OSBPL1A: variants seen among roughly 807,000 people sequenced by gnomAD.
OSBPL1A encodes the protein oxysterol binding protein like 1A.
Under a neutral mutation model 137.1 loss-of-function variants are expected in OSBPL1A, and 80 were observed. The observed-to-expected ratio is 0.58, with a 90% CI of 0.49 to 0.70. The LOEUF is 0.70. OSBPL1A is among the 30% of genes least tolerant of loss of function. The probability of loss-of-function intolerance (pLI) is 0.00; values close to 1 mark genes in which losing one functional copy is unlikely to be tolerated. For synonymous variants in OSBPL1A, 365 were observed against 389.7 expected, an observed-to-expected ratio of 0.94 and a Z score of 0.75; for missense variants, 970 against 1,129.4, an observed-to-expected ratio of 0.86 and a Z score of 2.02.
intron 18 of OSBPL1A, among the ~76,000 whole-genome samples, chr18:24,194,122 C>CA (rs1174744553): frequency 6.6e-6 from 1 of 152,182 alleles, no homozygotes; most frequent in African/African-American, 2.4e-5. Context: ...AGAAAGGAAT[C>CA]AGTCAACAGA....
chr18:24,226,410 C>T (rs1354419514), intron 16 of OSBPL1A, among the ~76,000 whole-genome samples: 1 of 152,166 alleles, frequency 6.6e-6, no homozygotes, highest in Non-Finnish European at 1.5e-5. Flanking sequence ...TAAATGGTGC[C>T]TGAGTTTTTC....
At chr18:24,289,617 C>T (rs1312965133) in intron 14 of OSBPL1A, among the ~76,000 whole-genome samples, 6 of 151,962 alleles carry the variant, frequency 3.9e-5, no homozygotes, top group African/African-American at 1.2e-4. Flanking sequence ...GACAGGGTTT[C>T]GCCATGTTGG....
At chr18:24,234,083 G>A (rs1344594319) in intron 16 of OSBPL1A, among the ~76,000 whole-genome samples, 3 of 152,098 alleles carry the variant, frequency 2.0e-5, no homozygotes, top group African/African-American at 4.8e-5. Context: ...TGAGAGCCTT[G>A]GTGGACAAAG....
intron 15 of OSBPL1A, among the ~76,000 whole-genome samples, chr18:24,278,331 C>G (rs2089890101): frequency 6.6e-6 from 1 of 152,196 alleles, no homozygotes; most frequent in African/African-American, 2.4e-5. Flanking sequence ...CTGTTACACA[C>G]ATAAAAGCTC....
chr18:24,229,217 G>A (rs957339799), intron 16 of OSBPL1A, among the ~76,000 whole-genome samples: 2 of 151,962 alleles, frequency 1.3e-5, no homozygotes, highest in African/African-American at 4.8e-5. Context: ...AAAAAGGTAG[G>A]TAGCGGGAAG....
intron 1 of OSBPL1A, among the ~76,000 whole-genome samples, chr18:24,386,980 A>G (rs764451339): frequency 6.6e-6 from 1 of 152,152 alleles, no homozygotes; most frequent in Non-Finnish European, 1.5e-5. Context: ...TACTTTTTTG[A>G]AATATATTTA....
chr18:24,313,266 C>A (rs2090659132), intron 12 of OSBPL1A, among the ~76,000 whole-genome samples: 1 of 151,584 alleles, frequency 6.6e-6, no homozygotes, highest in East Asian at 1.9e-4. Context: ...CGTGGTGAAA[C>A]CCTGTCTCTA....
At position 24,179,767 on chromosome 18, in the gene OSBPL1A, T is replaced by C. The variant is rs2086550229; in HGVS notation, c.1881A>G (p.Pro627=). ...CTAATTCATAAGTCTCTCCCAGCAG[T>C]GGGTTGAAAGGTTTTCCAGTCCGTT... ...QWERTGKPFN[P]LLGETYELVR... is the part of the protein sequence containing the mutation. Residue 627 remains proline (P), a synonymous_variant, in exon 20 of 28, where the codon CCA becomes CCG. Coordinates refer to ENST00000319481, the MANE Select transcript of OSBPL1A (RefSeq NM_080597.4). 6.2e-7 allele frequency: 1 copy of C among 1,614,028 alleles called. No homozygotes were observed. The highest frequency in any genetic ancestry group is 1.1e-5 in the South Asian group (1 of 91,054).
intron 22 of OSBPL1A, among the ~76,000 whole-genome samples, chr18:24,171,801 A>G (rs112190234): frequency 3.9e-5 from 6 of 152,302 alleles, no homozygotes; most frequent in African/African-American, 1.4e-4. Context: ...AGGAAGCAAA[A>G]TGAGCTGAGA....
At position 24,172,397 on chromosome 18, in the gene OSBPL1A, T is replaced by G. The variant is rs1251837025; in HGVS notation, c.2180A>C (p.Asn727Thr). The change falls in exon 22 of 28, where the codon AAT becomes ACT. Residue 727 changes from asparagine (N) to threonine (T), a missense_variant. Coordinates refer to ENST00000319481, the MANE Select transcript of OSBPL1A (RefSeq NM_080597.4). ...VGKLWIEQYGNVEIINHKTGD... is the reference protein window; with the variant it reads ...VGKLWIEQYGTVEIINHKTGD... Reference sequence around the variant, plus strand: ...TTACTTGTGGTTTATAATTTCCACATTGCCATACTGTTCGATCCACAGTTT... The same window carrying G: ...TTACTTGTGGTTTATAATTTCCACAGTGCCATACTGTTCGATCCACAGTTT... 2.5e-6 allele frequency: 4 copies of G among 1,613,632 alleles called. No individual in the cohort carries two copies. The South Asian group carries it at 3.3e-5, about 13-fold the overall frequency.
At chr18:24,230,674 AT>A (rs2088243708) in intron 16 of OSBPL1A, among the ~76,000 whole-genome samples, 1 of 152,084 alleles carries the variant, frequency 6.6e-6, no homozygotes, top group Non-Finnish European at 1.5e-5. Context: ...TATTCTTTTT[AT>A]TTCCCACTCC....
At chr18:24,297,444 G>GT (rs1318840189) in intron 14 of OSBPL1A, among the ~76,000 whole-genome samples, 2 of 152,038 alleles carry the variant, frequency 1.3e-5, no homozygotes, top group Non-Finnish European at 2.9e-5. Context: ...CAAAGAACCA[G>GT]TTTTTTGTTT....
intron 15 of OSBPL1A, among the ~76,000 whole-genome samples, chr18:24,273,187 C>T (rs1352853736): frequency 7.2e-5 from 11 of 152,134 alleles, no homozygotes; most frequent in Non-Finnish European, 1.3e-4. Flanking sequence ...GGATTACAGG[C>T]GTGAGCCACC....
At chr18:24,223,667 G>A (rs1180011575) in intron 17 of OSBPL1A, among the ~76,000 whole-genome samples, 1 of 152,110 alleles carries the variant, frequency 6.6e-6, no homozygotes, top group Non-Finnish European at 1.5e-5. Flanking sequence ...TCTGTCAAAT[G>A]CAAAATAACT....
intron 15 of OSBPL1A, among the ~76,000 whole-genome samples, chr18:24,245,150 G>A (rs1022146291): frequency 1.3e-5 from 2 of 152,028 alleles, no homozygotes; most frequent in African/African-American, 4.8e-5. Flanking sequence ...CTGGAGTGCA[G>A]GCTCCATCAT....
At chr18:24,395,129 G>C (rs1328556039) in intron 1 of OSBPL1A, among the ~76,000 whole-genome samples, 1 of 152,164 alleles carries the variant, frequency 6.6e-6, no homozygotes, top group South Asian at 2.1e-4. Flanking sequence ...GTATAAGCTG[G>C]TGACTGCAGT....
At chr18:24,365,322 C>T (rs11083062) in intron 4 of OSBPL1A, among the ~76,000 whole-genome samples, 3 of 152,046 alleles carry the variant, frequency 2.0e-5, no homozygotes, top group Non-Finnish European at 2.9e-5. Context: ...CGGTGGCTCA[C>T]GCTTGTAATC....
At chr18:24,268,448 T>C (rs986023669) in intron 15 of OSBPL1A, among the ~76,000 whole-genome samples, 2 of 151,980 alleles carry the variant, frequency 1.3e-5, no homozygotes, top group African/African-American at 4.8e-5. Context: ...ACTTCCAAAA[T>C]CAAAGATTTC....
intron 1 of OSBPL1A, among the ~76,000 whole-genome samples, chr18:24,379,677 A>G (rs1316693330): frequency 6.6e-6 from 1 of 151,946 alleles, no homozygotes; most frequent in East Asian, 1.9e-4. Flanking sequence ...AGACCAGCCT[A>G]ATACGGTGAA....
Sources: allele counts gnomAD v4.1 joint callset (sites outside exome capture counted in the v4.1 genomes callset), GRCh38; gene constraint gnomAD v4.1.1; transcripts MANE v1.5; gene names NCBI Gene and HGNC (gene_info 2026-07-23, HGNC 2026-07-21).